SH3RF2: variants seen among roughly 807,000 people sequenced by gnomAD.
The protein encoded by SH3RF2 is E3 ubiquitin-protein ligase SH3RF2.
In SH3RF2, 43 loss-of-function variants were observed where a neutral mutation model predicts 59.0. The observed-to-expected ratio is 0.73, with a 90% CI of 0.57 to 0.94. SH3RF2 has a LOEUF of 0.94. Ranked by LOEUF, SH3RF2 falls within the 40% of genes least tolerant of loss-of-function variation. SH3RF2 has a pLI of 0.00. For missense variants in SH3RF2, 930 were observed against 940.1 expected (o/e 0.99, Z 0.14); for synonymous variants, 391 against 391.5 (o/e 1.00, Z 0.01).
chr5:145,971,063 A>T (rs1157642708), intron 2 of SH3RF2, among the ~76,000 whole-genome samples: 1 of 152,184 alleles, frequency 6.6e-6, no homozygotes, highest in Non-Finnish European at 1.5e-5. Flanking sequence ...CATCCTTTGC[A>T]TTGGGCTGGG....
At chr5:145,940,066 T>A (rs1581369171) in intron 2 of SH3RF2, among the ~76,000 whole-genome samples, 1 of 152,188 alleles carries the variant, frequency 6.6e-6, no homozygotes, top group Non-Finnish European at 1.5e-5. Context: ...AGGTGAGAGC[T>A]GGTTGTACAT....
At chr5:146,062,176 A>T (rs1762919073) in intron 9 of SH3RF2, among the ~76,000 whole-genome samples, 2 of 152,066 alleles carry the variant, frequency 1.3e-5, no homozygotes, top group Non-Finnish European at 2.9e-5. Flanking sequence ...GATAAGTCCT[A>T]ATCCTTTTGT....
At chr5:145,992,371 T>A (rs1759974592) in intron 2 of SH3RF2, among the ~76,000 whole-genome samples, 1 of 152,048 alleles carries the variant, frequency 6.6e-6, no homozygotes. Flanking sequence ...AGACCCTGTC[T>A]CAAAAAAAGA....
At chr5:146,076,896 C>T (rs910633838) in intron 9 of SH3RF2, among the ~76,000 whole-genome samples, 1 of 152,156 alleles carries the variant, frequency 6.6e-6, no homozygotes, top group Non-Finnish European at 1.5e-5. Context: ...GACTGTTCCA[C>T]ACCACCCCCA....
intron 2 of SH3RF2, among the ~76,000 whole-genome samples, chr5:145,974,665 C>T (rs751794818): frequency 4.6e-5 from 7 of 152,134 alleles, no homozygotes; most frequent in African/African-American, 1.2e-4. Flanking sequence ...AATTCAGAGA[C>T]GTGAAGCAAG....
chr5:146,067,468 C>T (rs1335442711), downstream of SH3RF2, among the ~76,000 whole-genome samples: 4 of 152,214 alleles, frequency 2.6e-5, no homozygotes, highest in Non-Finnish European at 5.9e-5. Flanking sequence ...TAGAAAGTCG[C>T]AGCCGAATAC....
In SH3RF2 at chr5:146,047,869, T is replaced by C; in HGVS notation, c.1151+6T>C. ...CAACACCTCTCAGCGAACATGTGAG[T>C]AAAAGGCTCATCCCTTCACCCAAGT... On this transcript the variant is annotated splice_donor_region_variant and intron_variant, in intron 6 of 9. Transcript: ENST00000359120. 1 of 1,613,604 alleles carries C rather than the reference T, an allele frequency of 6.2e-7. No homozygotes were observed. Among genetic ancestry groups the C allele is most frequent in the Non-Finnish European group, 8.5e-7 (1 of 1,179,778 alleles).
chr5:145,975,215 C>T (rs960550241), intron 2 of SH3RF2, among the ~76,000 whole-genome samples: 6 of 152,204 alleles, frequency 3.9e-5, no homozygotes, highest in African/African-American at 9.6e-5. Context: ...GACACTCCGT[C>T]CTTCCCAACT....
chr5:146,034,316 G>A (rs1229120636), intron 5 of SH3RF2, among the ~76,000 whole-genome samples: 2 of 152,170 alleles, frequency 1.3e-5, no homozygotes, highest in Non-Finnish European at 2.9e-5. Context: ...ACAGCAGAGG[G>A]CTTGCTTGCA....
intron 2 of SH3RF2, among the ~76,000 whole-genome samples, chr5:145,993,985 G>A (rs1043138881): frequency 6.6e-6 from 1 of 152,188 alleles, no homozygotes; most frequent in African/African-American, 2.4e-5. Flanking sequence ...TTATAAAACT[G>A]AATGCCTTTA....
intron 9 of SH3RF2, among the ~76,000 whole-genome samples, chr5:146,074,079 G>T (rs62392725): frequency 7.7e-6 from 1 of 129,194 alleles, no homozygotes; most frequent in Non-Finnish European, 1.5e-5. Flanking sequence ...TCGCTCTGTC[G>T]CCCAGGCTGG....
intron 2 of SH3RF2, chr5:145,997,934 G>A: frequency 1.2e-6 from 1 of 807,758 alleles, no homozygotes; most frequent in Non-Finnish European, 2.2e-6. Context: ...GTGCTACACA[G>A]TTTATGCCTG....
chr5:145,974,740 T>C (rs1451488244), intron 2 of SH3RF2, among the ~76,000 whole-genome samples: 1 of 152,156 alleles, frequency 6.6e-6, no homozygotes, highest in Non-Finnish European at 1.5e-5. Context: ...CTACACTCTA[T>C]AGCCCAAGCT....
rs117561012 is a variant in SH3RF2 at position 146,028,343 on chromosome 5, C to A, written c.1059+14282C>A. Among the ~76,000 whole-genome samples the A allele has an allele frequency of 4.3e-4, 65 of 152,348 alleles. 1 individual carries two copies. The East Asian group carries it at 0.012, about 29-fold the overall frequency. On this transcript the variant is annotated intron_variant, in intron 5 of 9. Transcript: ENST00000359120. ...GTATAGACATGTGGGCACAGACAGA[C>A]CTTGATGGTGCAGTGGCCTCAGCCA...
rs142060892 is a variant in SH3RF2 at position 146,041,658 on chromosome 5, C to G, written c.1060-6114C>G. On this transcript the variant is annotated intron_variant, in intron 5 of 9. Coordinates refer to ENST00000359120, the MANE Select transcript of SH3RF2 (RefSeq NM_152550.4). ...CTCTAAAATGCAGCCCTAGGCCAGG[C>G]GCAGTGGCTCATGCTTGTAATCCCA... 6.7e-4 allele frequency among the ~76,000 whole-genome samples: 102 copies of G among 152,280 alleles called. 3 individuals are homozygous for G. In the South Asian group the frequency reaches 0.021, roughly 31 times the overall value.
chr5:145,997,960 A>C, intron 2 of SH3RF2: 1 of 782,612 alleles, frequency 1.3e-6, no homozygotes, highest in Admixed American at 1.7e-5. Context: ...AAGTTCATGG[A>C]TCACAGGTGG....
intron 7 of SH3RF2, among the ~76,000 whole-genome samples, chr5:146,053,560 G>A (rs1475133607): frequency 2.6e-5 from 4 of 152,054 alleles, no homozygotes; most frequent in Non-Finnish European, 4.4e-5. Flanking sequence ...GAACAAGGGA[G>A]GAAAAGATGG....
intron 5 of SH3RF2, among the ~76,000 whole-genome samples, chr5:146,044,181 C>T (rs1220621011): frequency 2.0e-5 from 3 of 149,930 alleles, no homozygotes; most frequent in Admixed American, 6.7e-5. Context: ...GACAGAGTCT[C>T]GCTCTGTCAC....
At chr5:146,013,677 A>T in intron 4 of SH3RF2, 70 bp from the exon 5 acceptor site, 1 of 1,565,808 alleles carries the variant, frequency 6.4e-7, no homozygotes, top group South Asian at 1.2e-5. Context: ...TCAGATGTAC[A>T]TGGGTAGGAA....
Sources: allele counts gnomAD v4.1 joint callset (sites outside exome capture counted in the v4.1 genomes callset), GRCh38; gene constraint gnomAD v4.1.1; transcripts MANE v1.5; gene names NCBI Gene and HGNC (gene_info 2026-07-23, HGNC 2026-07-21).